Variants in IPO11 observed in about 807,000 individuals in gnomAD.
IPO11 encodes importin-11.
Under a neutral mutation model 143.2 loss-of-function variants are expected in IPO11, and 66 were observed. That is an observed-to-expected ratio of 0.46 (90% CI 0.38 to 0.57). The LOEUF (loss-of-function observed/expected upper bound fraction) is 0.57, where lower values mean the gene tolerates loss of function less well. Among genes scored for constraint, IPO11 ranks in the 20% least tolerant of loss-of-function variants. The pLI is 0.00. For missense variants in IPO11, 1,026 were observed against 1,141.0 expected, an observed-to-expected ratio of 0.90 and a Z score of 1.45; for synonymous variants, 385 against 377.8, an observed-to-expected ratio of 1.02 and a Z score of -0.22.
chr5:62,426,665 T>C (rs1421050005), intron 1 of IPO11, among the ~76,000 whole-genome samples: 1 of 152,032 alleles, frequency 6.6e-6, no homozygotes, highest in Non-Finnish European at 1.5e-5. Flanking sequence ...TATTTTTTCA[T>C]TATTAAAGTG....
chr5:62,584,540 C>T (rs1177611900), intron 27 of IPO11, among the ~76,000 whole-genome samples: 7 of 138,694 alleles, frequency 5.0e-5, no homozygotes, highest in South Asian at 2.3e-4. Context: ...TTGAGCCCAG[C>T]GGGAGGAGGT....
At chr5:62,579,970 G>A in intron 27 of IPO11, 1 of 1,551,110 alleles carries the variant, frequency 6.4e-7, no homozygotes, top group Non-Finnish European at 8.7e-7. Flanking sequence ...TACCTTTGTT[G>A]GTATGGTTGC....
intron 24 of IPO11, among the ~76,000 whole-genome samples, chr5:62,540,204 T>C (rs1041189058): frequency 1.3e-5 from 2 of 152,198 alleles, no homozygotes; most frequent in African/African-American, 2.4e-5. Flanking sequence ...GATTCTCTGC[T>C]TGACCAGTCC....
intron 1 of IPO11, among the ~76,000 whole-genome samples, chr5:62,427,270 G>A (rs1743790753): frequency 6.6e-6 from 1 of 151,968 alleles, no homozygotes; most frequent in South Asian, 2.1e-4. Flanking sequence ...GAGTTTGCAG[G>A]TTTTTTGAAA....
At chr5:62,418,791 C>T in intron 1 of IPO11, 2 of 413,964 alleles carry the variant, frequency 4.8e-6, no homozygotes, top group South Asian at 5.8e-5. Flanking sequence ...GTATTGTCTC[C>T]AAGTCTCTGT....
intron 2 of IPO11, among the ~76,000 whole-genome samples, chr5:62,438,493 C>T (rs2112133442): frequency 6.6e-6 from 1 of 152,322 alleles, no homozygotes; most frequent in South Asian, 2.1e-4. Flanking sequence ...TGGCTCACTC[C>T]TGTAATCCCA....
At chr5:62,615,578 G>A (rs1425302685) in intron 29 of IPO11, among the ~76,000 whole-genome samples, 2 of 152,152 alleles carry the variant, frequency 1.3e-5, no homozygotes, top group Non-Finnish European at 2.9e-5. Flanking sequence ...TGTGTTTCAT[G>A]TATCAAAGAA....
At chr5:62,601,327 G>T (rs1168688325) in intron 28 of IPO11, 1 of 152,836 alleles carries the variant, frequency 6.5e-6, no homozygotes, top group Non-Finnish European at 1.5e-5. Context: ...GGAACACAAG[G>T]TAGATTGTTA....
chr5:62,528,547 A>T (rs1337300250), intron 21 of IPO11, among the ~76,000 whole-genome samples: 1 of 152,082 alleles, frequency 6.6e-6, no homozygotes, highest in Non-Finnish European at 1.5e-5. Flanking sequence ...GAAGGAGGCA[A>T]AAAGGGGTGG....
At chr5:62,532,175 C>T (rs1742569774) in intron 22 of IPO11, among the ~76,000 whole-genome samples, 1 of 152,178 alleles carries the variant, frequency 6.6e-6, no homozygotes, top group Non-Finnish European at 1.5e-5. Flanking sequence ...ATTCAGCATG[C>T]TTAGTCTCCA....
At chr5:62,537,543 A>G (rs1742777398) in intron 24 of IPO11, among the ~76,000 whole-genome samples, 1 of 152,138 alleles carries the variant, frequency 6.6e-6, no homozygotes, top group Non-Finnish European at 1.5e-5. Flanking sequence ...ACAAGGTCTG[A>G]ACTGATTGGG....
At chr5:62,581,072 T>G (rs967644526) in intron 27 of IPO11, 4 of 1,549,654 alleles carry the variant, frequency 2.6e-6, no homozygotes, top group Non-Finnish European at 3.5e-6. Context: ...ATCATTTTTT[T>G]GATCTACAAA....
intron 27 of IPO11, among the ~76,000 whole-genome samples, chr5:62,573,318 C>T (rs983800839): frequency 1.3e-5 from 2 of 152,196 alleles, no homozygotes; most frequent in African/African-American, 2.4e-5. Flanking sequence ...AGAACACTCT[C>T]TGAGTCATAG....
chr5:62,426,821 T>A (rs959813231), intron 1 of IPO11, among the ~76,000 whole-genome samples: 7 of 149,062 alleles, frequency 4.7e-5, no homozygotes, highest in African/African-American at 1.5e-4. Flanking sequence ...TTTATTTTTT[T>A]ATATATATTT....
At chr5:62,485,555 A>G (rs1259468392) in intron 12 of IPO11, 93 bp downstream of exon 12, 2 of 1,041,942 alleles carry the variant, frequency 1.9e-6, no homozygotes, top group Non-Finnish European at 2.9e-6. Context: ...GATTCCAGAC[A>G]TTTGCTGGGC....
At chr5:62,598,414 T>A (rs1247019331) in intron 28 of IPO11, among the ~76,000 whole-genome samples, 1 of 9,648 alleles carries the variant, frequency 1.0e-4, no homozygotes, top group Non-Finnish European at 1.6e-4. Flanking sequence ...CTTTCTTTCT[T>A]TCTTTCTTTC....
At chr5:62,480,906 ATTTTTTTTTT>A (rs34947365) in intron 9 of IPO11, among the ~76,000 whole-genome samples, 45 of 84,974 alleles carry the variant, frequency 5.3e-4, no homozygotes, top group African/African-American at 2.2e-3. Context: ...TTCCTCTTTC[ATTTTTTTTTT>A]TTTTTTTTTT....
intron 3 of IPO11, chr5:62,443,414 T>TGTGC (rs1554047769): frequency 1.4e-5 from 2 of 142,798 alleles, no homozygotes; most frequent in Non-Finnish European, 2.9e-5. Context: ...TGTGTGTGTG[T>TGTGC]GTGTGTGCGT....
intron 26 of IPO11, chr5:62,560,612 A>T (rs1743738289): frequency 6.6e-6 from 1 of 152,292 alleles, no homozygotes; most frequent in Non-Finnish European, 1.5e-5. Context: ...ATTCTGTATT[A>T]TGTTGATTTG....
Sources: allele counts gnomAD v4.1 joint callset (sites outside exome capture counted in the v4.1 genomes callset), GRCh38; gene constraint gnomAD v4.1.1; transcripts MANE v1.5; gene names NCBI Gene and HGNC (gene_info 2026-07-23, HGNC 2026-07-21).